The following AADACL2 variants were observed in gnomAD, a reference collection of about 807,000 sequenced individuals.
AADACL2 encodes arylacetamide deacetylase-like 2.
Under a neutral mutation model 22.3 loss-of-function variants are expected in AADACL2, and 23 were observed. That is an observed-to-expected ratio of 1.03 (90% CI 0.74 to 1.46). The LOEUF is 1.46. Ranked by LOEUF, AADACL2 falls within the 40% of genes most tolerant of loss-of-function variation. The probability of loss-of-function intolerance (pLI) is 0.00; values close to 1 mark genes in which losing one functional copy is unlikely to be tolerated. For synonymous variants in AADACL2, 177 were observed against 166.2 expected (o/e 1.07, Z -0.50); for missense variants, 472 against 482.9 (o/e 0.98, Z 0.21).
intron 4 of AADACL2, among the ~76,000 whole-genome samples, chr3:151,754,895 A>G (rs556884869): frequency 1.3e-5 from 2 of 152,228 alleles, no homozygotes; most frequent in South Asian, 4.1e-4. Context: ...ATACATATCC[A>G]TTCCTTCATG....
intron 1 of AADACL2, among the ~76,000 whole-genome samples, chr3:151,737,501 A>G (rs1002273556): frequency 6.6e-6 from 1 of 152,018 alleles, no homozygotes; most frequent in Non-Finnish European, 1.5e-5. Context: ...AGCTGAGTGC[A>G]AGTCCTGAGT....
chr3:151,756,940 TCCTGG>T, intron 4 of AADACL2, 47 bp from the exon 5 acceptor site: 2 of 1,504,168 alleles, frequency 1.3e-6, no homozygotes, highest in Admixed American at 2.2e-5. Flanking sequence ...ATTTTTTTTC[TCCTGG>T]TATTTTGGAA....
In AADACL2 at chr3:151,743,768, G is replaced by A. The variant is rs188451228; in HGVS notation, c.362-325G>A. On this transcript the variant is annotated intron_variant, in intron 2 of 4. Coordinates refer to ENST00000356517, the MANE Select transcript of AADACL2 (RefSeq NM_207365.4). ...TTTCAGATGAAGTAAAATGCACCAG[G>A]ATACAAAGGGTCCTGGGAAGGGTCA... is the stretch of plus-strand genomic sequence containing the variant. Among the ~76,000 whole-genome samples, 494 of 152,182 alleles carry A rather than the reference G, an allele frequency of 3.2e-3. 6 individuals carry two copies. Among genetic ancestry groups the A allele is most frequent in the African/African-American group, 0.011 (455 of 41,522 alleles).
rs779079275 is a variant in AADACL2 at position 151,756,966 on chromosome 3, T to A, written c.604-26T>A. On this transcript the variant is annotated intron_variant, in intron 4 of 4. Coordinates refer to ENST00000356517, the MANE Select transcript of AADACL2 (RefSeq NM_207365.4). ...CCTGGTATTTTGGAAATGTTTGCAT[T>A]ACAGAATATTACCATATATTTTCAG... is the stretch of plus-strand genomic sequence containing the variant. 35 of 1,543,654 alleles carry A rather than the reference T, an allele frequency of 2.3e-5. No individual in the cohort carries two copies. In the South Asian group the frequency reaches 4.1e-4, roughly 18 times the overall value.
chr3:151,761,131 T>TTA lies in AADACL2; in HGVS notation c.*3543_*3544dup, dbSNP rs200287129. 1.6e-4 allele frequency: 22 copies of TTA among 140,342 alleles called. 1 individual carries two copies. Among genetic ancestry groups the TTA allele is most frequent in the African/African-American group, 5.8e-4 (22 of 38,122 alleles). 8.7% of individuals were successfully genotyped at this position (140,342 alleles called of 1,614,324 possible). The stretch of plus-strand genomic sequence containing the variant: ...TTTTTATATATGGTGAGATATATAT[T>TTA]TATATATGGTGAGATATATATATAT... On this transcript the variant is annotated 3_prime_UTR_variant, in exon 5 of 5. Transcript: ENST00000356517.
chr3:151,748,600 G>A (rs1035595454), intron 4 of AADACL2, among the ~76,000 whole-genome samples: 1 of 152,178 alleles, frequency 6.6e-6, no homozygotes, highest in African/African-American at 2.4e-5. Context: ...TCCAGGGAAT[G>A]AAATAGTTTG....
At chr3:151,756,871 TATG>T (rs1713930781) in intron 4 of AADACL2, 118 bp from the exon 5 acceptor site, 1 of 715,900 alleles carries the variant, frequency 1.4e-6, no homozygotes, top group Admixed American at 3.9e-5. Context: ...TAAAAATAAT[TATG>T]ATACATCACA....
chr3:151,736,780 A>G (rs537410532), intron 1 of AADACL2, among the ~76,000 whole-genome samples: 2 of 152,334 alleles, frequency 1.3e-5, no homozygotes, highest in Admixed American at 1.3e-4. Flanking sequence ...TGCTGCAATA[A>G]ACATATGTAT....
chr3:151,746,138 T>C (rs1713435965), intron 4 of AADACL2, among the ~76,000 whole-genome samples: 1 of 152,122 alleles, frequency 6.6e-6, no homozygotes, highest in South Asian at 2.1e-4. Context: ...ATTTTACTAT[T>C]TTCAGTGTAG....
chr3:151,745,896 A>G (rs1713428123), intron 4 of AADACL2, among the ~76,000 whole-genome samples: 1 of 152,032 alleles, frequency 6.6e-6, no homozygotes, highest in African/African-American at 2.4e-5. Context: ...CCAATACTAC[A>G]CTGACTTCAA....
intron 2 of AADACL2, among the ~76,000 whole-genome samples, chr3:151,742,332 T>C (rs1329509376): frequency 6.6e-6 from 1 of 152,016 alleles, no homozygotes; most frequent in Non-Finnish European, 1.5e-5. Context: ...ACAGACACTA[T>C]AACAATAAAA....
intron 4 of AADACL2, among the ~76,000 whole-genome samples, chr3:151,751,029 A>G (rs1367325925): frequency 6.6e-6 from 1 of 152,192 alleles, no homozygotes; most frequent in African/African-American, 2.4e-5. Context: ...GGAGAAAAAT[A>G]AAAGAGGACT....
chr3:151,758,098 T>C lies in AADACL2; in HGVS notation c.*504T>C, dbSNP rs530232317. 6.5e-6 allele frequency: 1 copy of C among 153,568 alleles called. No homozygotes were observed. Among genetic ancestry groups the C allele is most frequent in the South Asian group, 2.0e-4 (1 of 4,880 alleles). The allele number at this position is 153,568 out of a possible 1,614,324, so 9.5% of individuals were successfully genotyped here. On this transcript the variant is annotated 3_prime_UTR_variant, in exon 5 of 5. Coordinates refer to ENST00000356517, the MANE Select transcript of AADACL2 (RefSeq NM_207365.4). ...ACAGATATTTATTCTTTTACAGTTC[T>C]GGGGTCCTAAAGCATGAAATTAGTA...
chr3:151,740,483 G>A (rs1263248083), intron 1 of AADACL2, among the ~76,000 whole-genome samples, 163 bp from the exon 2 acceptor site: 2 of 152,170 alleles, frequency 1.3e-5, no homozygotes, highest in Non-Finnish European at 2.9e-5. Context: ...AGAAGGTTAT[G>A]CAATAAGATC....
intron 4 of AADACL2, among the ~76,000 whole-genome samples, chr3:151,754,171 G>A (rs1713785044): frequency 6.6e-6 from 1 of 152,078 alleles, no homozygotes. Flanking sequence ...CCCAATTCAT[G>A]CTGTCCAGGA....
At chr3:151,737,913 G>A (rs1713148459) in intron 1 of AADACL2, among the ~76,000 whole-genome samples, 1 of 151,944 alleles carries the variant, frequency 6.6e-6, no homozygotes, top group South Asian at 2.1e-4. Flanking sequence ...TATCCAATTT[G>A]CTAGCCTGTG....
intron 4 of AADACL2, 45 bp downstream of exon 4, chr3:151,745,725 C>A (rs1416950699): frequency 4.6e-6 from 7 of 1,526,878 alleles, no homozygotes; most frequent in African/African-American, 1.4e-5. Context: ...AATTGAGGCT[C>A]ATTTTTTTTC....
chr3:151,757,129 A>C lies in AADACL2; in HGVS notation c.741A>C (p.Ile247=), dbSNP rs201138455. ...TAGTTTTGACCAGGGATGTAGCCATAAAACTCGTGAGCTTATATTTCACCA... is the reference window on the plus strand; with the variant it reads ...TAGTTTTGACCAGGGATGTAGCCATCAAACTCGTGAGCTTATATTTCACCA... ...HGIVLTRDVA[I]KLVSLYFTKD... Residue 247 remains isoleucine (I), a synonymous_variant, in exon 5 of 5, where the codon ATA becomes ATC. Coordinates refer to ENST00000356517, the MANE Select transcript of AADACL2 (RefSeq NM_207365.4). 1.2e-6 allele frequency: 2 copies of C among 1,613,464 alleles called. No homozygotes were observed. The highest frequency in any genetic ancestry group is 1.3e-5 in the African/African-American group (1 of 74,924).
chr3:151,757,580 G>A lies in AADACL2; in HGVS notation c.1192G>A (p.Asp398Asn). 1 of 1,606,204 alleles carries A rather than the reference G, an allele frequency of 6.2e-7. No homozygotes were observed. The highest frequency in any genetic ancestry group is 1.3e-5 in the African/African-American group (1 of 74,688). ...RIRDMYVSWL[D>N]KNL ...AAGAGATATGTATGTAAGTTGGCTG[G>A]ATAAGAATTTATAAATATGTGATGT... The change falls in exon 5 of 5, where the codon GAT becomes AAT. Residue 398 changes from aspartate (D) to asparagine (N), a missense_variant. Around this residue, in one of 3 missense-constraint regions of AADACL2, gnomAD observed 113 missense variants for 100.9 expected, o/e 1.12. Coordinates refer to ENST00000356517, the MANE Select transcript of AADACL2 (RefSeq NM_207365.4).
Sources: gnomAD v4.1 joint callset for allele counts (sites outside exome capture counted in the v4.1 genomes callset) on GRCh38, gnomAD v4.1.1 for gene constraint, gnomAD v4.1.1 regional missense constraint, MANE v1.5 for transcripts, NCBI Gene and HGNC (gene_info 2026-07-23, HGNC 2026-07-21) for gene names.